The following BLK variants were observed in gnomAD, a reference collection of about 807,000 sequenced individuals.
The protein encoded by BLK is BLK proto-oncogene, Src family tyrosine kinase.
BLK carries 64 observed loss-of-function variants against 61.8 expected under a neutral mutation model. The observed-to-expected ratio is 1.03, with a 90% confidence interval of 0.85 to 1.27. The LOEUF (loss-of-function observed/expected upper bound fraction) is 1.27, where lower values mean the gene tolerates loss of function less well. Ranked by LOEUF, BLK falls within the 50% of genes most tolerant of loss-of-function variation. The pLI, the probability that BLK is intolerant of heterozygous loss-of-function variation, is 0.00. For missense variants in BLK, 853 were observed against 660.5 expected, an observed-to-expected ratio of 1.29 and a Z score of -3.19; for synonymous variants, 351 against 272.0, an observed-to-expected ratio of 1.29 and a Z score of -2.86.
intron 1 of BLK, among the ~76,000 whole-genome samples, chr8:11,520,594 T>G (rs2117329697): frequency 6.7e-6 from 1 of 149,534 alleles, no homozygotes; most frequent in South Asian, 2.1e-4. Context: ...TGTTGTAACC[T>G]AAAGAAAAAG....
chr8:11,504,341 G>GAGGA (rs200525228), intron 1 of BLK, among the ~76,000 whole-genome samples: 57 of 125,916 alleles, frequency 4.5e-4, no homozygotes, highest in South Asian at 7.6e-4. Flanking sequence ...GAAAGGAAGG[G>GAGGA]AGGAAGGAAG....
chr8:11,527,935 A>G (rs1799728915), intron 1 of BLK, among the ~76,000 whole-genome samples: 1 of 152,164 alleles, frequency 6.6e-6, no homozygotes, highest in African/African-American at 2.4e-5. Flanking sequence ...AGCAGAATTC[A>G]GGTCCCCCCA....
intron 3 of BLK, among the ~76,000 whole-genome samples, chr8:11,547,261 G>A (rs764163815): frequency 1.7e-4 from 26 of 152,220 alleles, no homozygotes; most frequent in Non-Finnish European, 3.7e-4. Context: ...TCTGACCCTC[G>A]CTTTCCTGCT....
At chr8:11,547,616 C>T (rs995746416) in intron 3 of BLK, among the ~76,000 whole-genome samples, 1 of 152,248 alleles carries the variant, frequency 6.6e-6, no homozygotes, top group Non-Finnish European at 1.5e-5. Context: ...GGGATAGAGG[C>T]AGGCGGGGCA....
intron 10 of BLK, chr8:11,558,964 G>A (rs1401492812): frequency 4.4e-6 from 2 of 456,142 alleles, no homozygotes; most frequent in African/African-American, 4.0e-5. Context: ...CCGCTGAGGT[G>A]GGCAGACAGC....
intron 1 of BLK, among the ~76,000 whole-genome samples, chr8:11,517,288 T>A (rs1236580466): frequency 6.6e-6 from 1 of 152,186 alleles, no homozygotes; most frequent in Non-Finnish European, 1.5e-5. Context: ...GATTTGTATG[T>A]GCAGAATACG....
In BLK at chr8:11,564,304, G is replaced by C; in HGVS notation, c.*196G>C. The C allele has an allele frequency of 1.4e-6, 1 of 734,372 alleles. No individual in the cohort carries two copies. Among genetic ancestry groups the C allele is most frequent in the Non-Finnish European group, 2.4e-6 (1 of 416,074 alleles). The allele number at this position is 734,372 out of a possible 1,614,324, so 45.5% of individuals were successfully genotyped here. ...GACTGCACCCCCGGGCGAGTTACGC[G>C]GCCTCTCTGTGCCGCTTCATTTGTA... On this transcript the variant is annotated 3_prime_UTR_variant, in exon 13 of 13. Transcript: ENST00000259089.
chr8:11,545,506 G>A (rs547509434), intron 2 of BLK, among the ~76,000 whole-genome samples: 4 of 152,206 alleles, frequency 2.6e-5, no homozygotes, highest in Non-Finnish European at 4.4e-5. Flanking sequence ...CCGAGATTAC[G>A]CCACTGCACT....
chr8:11,540,738 A>G (rs560332603), intron 1 of BLK, among the ~76,000 whole-genome samples: 1 of 152,264 alleles, frequency 6.6e-6, no homozygotes, highest in East Asian at 1.9e-4. Flanking sequence ...AGAAATTGGA[A>G]ATGTCTTTAA....
intron 6 of BLK, chr8:11,554,019 C>G (rs1282227155): frequency 6.5e-6 from 1 of 153,220 alleles, no homozygotes; most frequent in Non-Finnish European, 1.5e-5. Context: ...TGGGCCCCAG[C>G]GTCCTCATCT....
At position 11,524,216 on chromosome 8, in the gene BLK, C is replaced by G. The variant is rs1368717329; in HGVS notation, c.-1-19008C>G. Among the ~76,000 whole-genome samples, 3 of 152,096 alleles carry G rather than the reference C, an allele frequency of 2.0e-5. No homozygotes were observed. In the East Asian group the frequency reaches 5.8e-4, roughly 29 times the overall value. ...TATATATAATTTATACTGTACTGTT[C>G]ACAGAAATAACCAAGTTATGACACA... On this transcript the variant is annotated intron_variant, in intron 1 of 12. Transcript: ENST00000259089.
chr8:11,560,974 T>C, intron 10 of BLK: 1 of 526,164 alleles, frequency 1.9e-6, no homozygotes, highest in Middle Eastern at 2.9e-4. Flanking sequence ...ATTTCTTCTC[T>C]TCTCCCTCCC....
intron 1 of BLK, among the ~76,000 whole-genome samples, chr8:11,533,953 G>A (rs1042821977): frequency 1.2e-4 from 18 of 152,208 alleles, no homozygotes; most frequent in African/African-American, 3.1e-4. Flanking sequence ...CCGTGTTGGC[G>A]GGCCTGCCTT....
intron 1 of BLK, among the ~76,000 whole-genome samples, chr8:11,531,960 G>C (rs1002876583): frequency 6.6e-6 from 1 of 152,110 alleles, no homozygotes; most frequent in Admixed American, 6.6e-5. Context: ...TCGAGTTCAA[G>C]TGATTCTTCT....
At chr8:11,551,114 G>A (rs1235772804) in intron 6 of BLK, among the ~76,000 whole-genome samples, 1 of 152,000 alleles carries the variant, frequency 6.6e-6, no homozygotes, top group Non-Finnish European at 1.5e-5. Flanking sequence ...TGTTTTTTCA[G>A]CTTGATGTAG....
At chr8:11,539,783 G>A (rs538267463) in intron 1 of BLK, among the ~76,000 whole-genome samples, 2 of 152,158 alleles carry the variant, frequency 1.3e-5, no homozygotes, top group Admixed American at 6.5e-5. Flanking sequence ...GAAATGGAGC[G>A]TGAAGGAACA....
Position 11,558,381 on chromosome 8 carries a change from G to C in BLK, c.1029+343G>C, listed in dbSNP as rs760775620. The C allele has an allele frequency of 1.1e-5, 4 of 376,702 alleles. No individual in the cohort carries two copies. The Admixed American group carries it at 1.5e-4, about 14-fold the overall frequency. 23.3% of individuals were successfully genotyped at this position (376,702 alleles called of 1,614,324 possible). ...AGTTAGCAAGAGTTCCATTGAACCC[G>C]GCAGGCAAGTGTGTTCTGTTGTGAC... On this transcript the variant is annotated intron_variant, in intron 10 of 12. Transcript: ENST00000259089.
At chr8:11,538,615 G>T (rs1271084879) in intron 1 of BLK, among the ~76,000 whole-genome samples, 1 of 152,222 alleles carries the variant, frequency 6.6e-6, no homozygotes, top group African/African-American at 2.4e-5. Flanking sequence ...TGTTTGCCAG[G>T]AAGCTTAAAG....
Position 11,549,081 on chromosome 8 carries a change from C to T in BLK, c.327C>T (p.Pro109=), listed in dbSNP as rs745743574. 15 of 1,611,730 alleles carry T rather than the reference C, an allele frequency of 9.3e-6. No individual in the cohort carries two copies. Among genetic ancestry groups the T allele is most frequent in the African/African-American group, 1.3e-5 (1 of 74,906 alleles). ...SLVTGREGYV[P]SNFVARVESL... is the part of the protein sequence containing the mutation. ...TCACAGGAAGAGAAGGCTATGTGCC[C>T]AGTAACTTTGTGGCCCGAGTGGAGA... The change falls in exon 5 of 13, where the codon CCC becomes CCT. Residue 109 remains proline (P), a synonymous_variant. Coordinates refer to ENST00000259089, the MANE Select transcript of BLK (RefSeq NM_001715.3).
Sources: allele counts gnomAD v4.1 joint callset (sites outside exome capture counted in the v4.1 genomes callset), GRCh38; gene constraint gnomAD v4.1.1; transcripts MANE v1.5; gene names NCBI Gene and HGNC (gene_info 2026-07-23, HGNC 2026-07-21).